Variants in OVCH1 observed in about 807,000 individuals in gnomAD.
OVCH1 encodes ovochymase 1, also known as ovochymase-1.
OVCH1 carries 139 observed loss-of-function variants against 138.4 expected under a neutral mutation model. The ratio of observed to expected loss-of-function variants is 1.00; its 90% CI spans 0.87 to 1.16. The LOEUF (loss-of-function observed/expected upper bound fraction) is 1.16. Among genes scored for constraint, OVCH1 ranks in the 50% most tolerant of loss-of-function variants. The pLI, the probability that OVCH1 is intolerant of heterozygous loss-of-function variation, is 0.00. For synonymous variants in OVCH1, 453 were observed against 467.8 expected (o/e 0.97, Z 0.41); for missense variants, 1,367 against 1,357.9 (o/e 1.01, Z -0.11).
chr12:29,459,844 G>A (rs758749251), intron 19 of OVCH1, among the ~76,000 whole-genome samples: 4 of 152,094 alleles, frequency 2.6e-5, no homozygotes, highest in Admixed American at 6.6e-5. Context: ...AGGATACTAC[G>A]TTGCGTATCT....
chr12:29,475,434 A>G (rs540341498), intron 13 of OVCH1, among the ~76,000 whole-genome samples: 1 of 152,144 alleles, frequency 6.6e-6, no homozygotes, highest in South Asian at 2.1e-4. Flanking sequence ...CGGAAACTCA[A>G]CTGGTTATTA....
At chr12:29,468,832 G>C (rs1485817961) in intron 16 of OVCH1, among the ~76,000 whole-genome samples, 1 of 152,088 alleles carries the variant, frequency 6.6e-6, no homozygotes, top group Non-Finnish European at 1.5e-5. Flanking sequence ...AGCTCTGTCA[G>C]CTGAGAGGGC....
At chr12:29,457,955 T>G (rs746747352) in intron 19 of OVCH1, among the ~76,000 whole-genome samples, 10 of 152,144 alleles carry the variant, frequency 6.6e-5, no homozygotes, top group Non-Finnish European at 8.8e-5. Flanking sequence ...AGGAACAACA[T>G]TTTATGCAAA....
intron 15 of OVCH1, 82 bp from the exon 16 acceptor site, chr12:29,472,064 G>A (rs1942531214): frequency 7.6e-7 from 1 of 1,318,580 alleles, no homozygotes; most frequent in Non-Finnish European, 1.0e-6. Context: ...ATAGTTAACA[G>A]TAGTGATTCT....
intron 25 of OVCH1, among the ~76,000 whole-genome samples, chr12:29,442,878 A>C (rs1941523641): frequency 6.6e-6 from 1 of 152,034 alleles, no homozygotes; most frequent in Non-Finnish European, 1.5e-5. Flanking sequence ...TGACAATTCT[A>C]GTATTTATCA....
downstream of OVCH1, among the ~76,000 whole-genome samples, chr12:29,411,436 A>G (rs1175106109): frequency 6.6e-6 from 1 of 151,170 alleles, no homozygotes; most frequent in Non-Finnish European, 1.5e-5. Flanking sequence ...TTGTGGTTTT[A>G]TCTACTTTTG....
chr12:29,477,928 A>T (rs941682097), intron 9 of OVCH1, among the ~76,000 whole-genome samples: 9 of 152,274 alleles, frequency 5.9e-5, no homozygotes, highest in African/African-American at 2.2e-4. Context: ...TTAACAAATG[A>T]TTGGTTGAAA....
intron 16 of OVCH1, among the ~76,000 whole-genome samples, chr12:29,465,944 G>C (rs1031950047): frequency 1.2e-4 from 19 of 152,012 alleles, no homozygotes; most frequent in Non-Finnish European, 2.5e-4. Flanking sequence ...CATGTCCTTT[G>C]TAGGGACACG....
chr12:29,439,573 C>A, intron 25 of OVCH1: 1 of 1,120,870 alleles, frequency 8.9e-7, no homozygotes, highest in Non-Finnish European at 1.2e-6. Context: ...TACTTTACCT[C>A]TCACACCAGA....
In OVCH1 at chr12:29,477,324, AT is replaced by A. The variant is rs1942774174; in HGVS notation, c.1246+16del. The A allele has an allele frequency of 2.9e-5, 46 of 1,613,874 alleles. No individual in the cohort carries two copies. Among genetic ancestry groups the A allele is most frequent in the Non-Finnish European group, 3.9e-5 (46 of 1,179,826 alleles). ...TCAAGGGAAAATGGCAAGGAATTAA[AT>A]ACCTGAAACACTCACCTGCTTCTGA... On this transcript the variant is annotated intron_variant, in intron 11 of 27. Transcript: ENST00000318184.
chr12:29,440,515 C>T (rs1191599813), intron 25 of OVCH1: 1 of 293,910 alleles, frequency 3.4e-6, no homozygotes, highest in Non-Finnish European at 6.6e-6. Context: ...ATTTCTAATC[C>T]AAATAAAATG....
chr12:29,486,181 C>A (rs1044024762), intron 8 of OVCH1, 69 bp downstream of exon 8: 6 of 1,379,736 alleles, frequency 4.3e-6, no homozygotes, highest in Non-Finnish European at 5.1e-6. Context: ...ATGGTACAAT[C>A]CTCCTGTTTG....
At chr12:29,404,920 G>A in the OVCH1 span, among the ~76,000 whole-genome samples, 2 of 149,806 alleles carry the variant, frequency 1.3e-5, no homozygotes, top group African/African-American at 4.9e-5. Flanking sequence ...TACTCGGGAC[G>A]CTGAGGCAGG....
At chr12:29,438,486 G>C (rs1941405811) in intron 26 of OVCH1, among the ~76,000 whole-genome samples, 1 of 151,972 alleles carries the variant, frequency 6.6e-6, no homozygotes, top group Non-Finnish European at 1.5e-5. Context: ...AATTCCATTG[G>C]GATTTAGTTG....
chr12:29,492,295 C>G (rs1236838508), intron 4 of OVCH1, among the ~76,000 whole-genome samples: 1 of 148,824 alleles, frequency 6.7e-6, no homozygotes, highest in African/African-American at 2.5e-5. Context: ...CAGTGGGAGG[C>G]CAGGATGACT....
chr12:29,435,163 C>T (rs1941335127), intron 26 of OVCH1, among the ~76,000 whole-genome samples: 2 of 152,118 alleles, frequency 1.3e-5, no homozygotes, highest in South Asian at 4.1e-4. Context: ...CAAGTCAAAC[C>T]CATTAGTTGG....
intron 22 of OVCH1, among the ~76,000 whole-genome samples, chr12:29,450,453 A>T (rs1941753778): frequency 6.6e-6 from 1 of 152,228 alleles, no homozygotes; most frequent in Non-Finnish European, 1.5e-5. Flanking sequence ...ATGCAAATTA[A>T]AACCACAATA....
chr12:29,471,222 G>C (rs1052250897), intron 16 of OVCH1, among the ~76,000 whole-genome samples: 3 of 152,062 alleles, frequency 2.0e-5, no homozygotes. Flanking sequence ...AATATATTAT[G>C]TATATTATTT....
intron 8 of OVCH1, among the ~76,000 whole-genome samples, chr12:29,480,860 C>T (rs1176840172): frequency 6.6e-6 from 1 of 152,168 alleles, no homozygotes; most frequent in Non-Finnish European, 1.5e-5. Context: ...GGCTACTCAG[C>T]ATGCTGAAGA....
Sources: allele counts gnomAD v4.1 joint callset (sites outside exome capture counted in the v4.1 genomes callset), GRCh38; gene constraint gnomAD v4.1.1; transcripts MANE v1.5; gene names NCBI Gene and HGNC (gene_info 2026-07-23, HGNC 2026-07-21).